Variants in SMYD3 observed in about 807,000 individuals in gnomAD.
The protein encoded by SMYD3 is histone-lysine N-methyltransferase SMYD3.
Under a neutral mutation model 57.7 loss-of-function variants are expected in SMYD3, and 36 were observed. The observed-to-expected ratio is 0.62, with a 90% CI of 0.48 to 0.82. SMYD3 has a LOEUF of 0.82. Among genes scored for constraint, SMYD3 ranks in the 40% least tolerant of loss-of-function variants. The probability of loss-of-function intolerance (pLI) is 0.00; values close to 1 mark genes in which losing one functional copy is unlikely to be tolerated. For missense variants in SMYD3, 515 were observed against 538.8 expected, an observed-to-expected ratio of 0.96 and a Z score of 0.44; for synonymous variants, 211 against 195.0, an observed-to-expected ratio of 1.08 and a Z score of -0.68.
chr1:246,193,993 A>G (rs971987447), intron 5 of SMYD3, among the ~76,000 whole-genome samples: 1 of 152,204 alleles, frequency 6.6e-6, no homozygotes, highest in Non-Finnish European at 1.5e-5. Context: ...CAAATTGGTC[A>G]TTATGTTCTC....
chr1:246,188,907 C>A (rs1268244975), intron 5 of SMYD3: 1 of 151,672 alleles, frequency 6.6e-6, no homozygotes, highest in Non-Finnish European at 1.5e-5. Context: ...CTGCAATGAG[C>A]CAAGATCGCA....
intron 5 of SMYD3, among the ~76,000 whole-genome samples, chr1:246,246,586 G>C (rs75966503): frequency 6.6e-6 from 1 of 151,994 alleles, no homozygotes; most frequent in South Asian, 2.1e-4. Context: ...GAAGCTTGAA[G>C]CTTCAAATTC....
chr1:246,215,391 C>T (rs1415359506), intron 5 of SMYD3, among the ~76,000 whole-genome samples: 1 of 152,030 alleles, frequency 6.6e-6, no homozygotes, highest in Non-Finnish European at 1.5e-5. Flanking sequence ...ACTTTGAGAT[C>T]ATCAAAAAGA....
intron 4 of SMYD3, 101 bp from the exon 5 acceptor site, chr1:246,327,438 T>C: frequency 9.9e-7 from 1 of 1,005,786 alleles, no homozygotes; most frequent in Non-Finnish European, 1.5e-6. Context: ...ATTTCCTACC[T>C]TACATTGGAT....
intron 5 of SMYD3, among the ~76,000 whole-genome samples, chr1:246,222,202 T>C (rs2063266289): frequency 6.6e-6 from 1 of 152,172 alleles, no homozygotes; most frequent in African/African-American, 2.4e-5. Context: ...AAGAACACTT[T>C]GGTAATGTGG....
rs547815871 is a variant in SMYD3, at chr1:245,767,873, G to A, written c.1077-3724C>T. 3.3e-5 allele frequency among the ~76,000 whole-genome samples: 5 copies of A among 152,340 alleles called. No individual in the cohort carries two copies. In the South Asian group the frequency reaches 1.0e-3, roughly 32 times the overall value. On this transcript the variant is annotated intron_variant, in intron 10 of 11. Coordinates refer to ENST00000490107, the MANE Select transcript of SMYD3 (RefSeq NM_001167740.2). ...CCAGCAGTGAGGCACTACCAAAGGG[G>A]GCTGAAGATATTTTATCACAATAGA...
intron 10 of SMYD3, among the ~76,000 whole-genome samples, chr1:245,844,577 C>A (rs972142754): frequency 6.7e-6 from 1 of 150,190 alleles, no homozygotes; most frequent in Non-Finnish European, 1.5e-5. Flanking sequence ...TTTCCTCTTT[C>A]CATTTCTCAC....
chr1:245,894,859 G>C (rs1485888418), intron 8 of SMYD3, among the ~76,000 whole-genome samples: 1 of 152,170 alleles, frequency 6.6e-6, no homozygotes, highest in African/African-American at 2.4e-5. Context: ...GCAAGAACTG[G>C]AAAGGTGAGA....
chr1:246,466,978 G>T (rs149789395), intron 1 of SMYD3, among the ~76,000 whole-genome samples: 1,941 of 152,186 alleles, frequency 0.013, 42 homozygotes, highest in African/African-American at 0.044. Context: ...AATCAGTCTG[G>T]CCATCATGGC....
In SMYD3 at chr1:245,865,028, G is replaced by C. The variant is rs118160938; in HGVS notation, c.814-1142C>G. On this transcript the variant is annotated intron_variant, in intron 8 of 11. Transcript: ENST00000490107. ...CTCTGCTTCCGGTTGGCCAGTGTACGTCTGGCATCTAGCACAGTGCCTGGC... is the reference window on the plus strand; with the variant it reads ...CTCTGCTTCCGGTTGGCCAGTGTACCTCTGGCATCTAGCACAGTGCCTGGC... 5.9e-5 allele frequency among the ~76,000 whole-genome samples: 9 copies of C among 152,294 alleles called. No individual in the cohort carries two copies. In the East Asian group the frequency reaches 1.7e-3, roughly 29 times the overall value.
chr1:246,355,448 A>C lies in SMYD3; in HGVS notation c.165-354T>G, dbSNP rs1572414129. 1 of 209,784 alleles carries C rather than the reference A, an allele frequency of 4.8e-6. No individual in the cohort carries two copies. The highest frequency in any genetic ancestry group is 9.6e-6 in the Non-Finnish European group (1 of 104,114). The allele number at this position is 209,784 out of a possible 1,614,324, so 13.0% of individuals were successfully genotyped here. A position where few individuals can be genotyped will look rare whatever the true frequency, so the allele number is the denominator to read the frequency against. ...CCAGGTAAACTAAGAGAATCCACAG[A>C]CCCTCTGAAGGAACTGTATCGCCAC... is the stretch of plus-strand genomic sequence containing the variant. On this transcript the variant is annotated intron_variant, in intron 1 of 11. Coordinates refer to ENST00000490107, the MANE Select transcript of SMYD3 (RefSeq NM_001167740.2). The surrounding 1 kb of genome is among the most constrained non-coding windows in gnomAD (Gnocchi z 5.0).
chr1:246,452,416 C>T (rs773977616), intron 1 of SMYD3, among the ~76,000 whole-genome samples: 3 of 152,074 alleles, frequency 2.0e-5, no homozygotes, highest in African/African-American at 7.2e-5. Flanking sequence ...GCACGAGAAT[C>T]GTTTGAACTC....
At chr1:246,418,345 C>A (rs2067093775) in intron 1 of SMYD3, among the ~76,000 whole-genome samples, 1 of 152,194 alleles carries the variant, frequency 6.6e-6, no homozygotes, top group South Asian at 2.1e-4. Flanking sequence ...CTTGCTTCTT[C>A]AGCGCCCTGC....
intron 8 of SMYD3, among the ~76,000 whole-genome samples, chr1:245,866,033 C>G (rs1239249612): frequency 6.6e-6 from 1 of 152,178 alleles, no homozygotes; most frequent in East Asian, 1.9e-4. Flanking sequence ...TTTTCATACT[C>G]TAGACATCCC....
At chr1:246,247,046 A>C in intron 5 of SMYD3, among the ~76,000 whole-genome samples, 1 of 152,288 alleles carries the variant, frequency 6.6e-6, no homozygotes. Flanking sequence ...TTTTGTATAT[A>C]ACTCCCTTAT....
At chr1:246,096,042 A>C (rs1418030006) in intron 5 of SMYD3, among the ~76,000 whole-genome samples, 1 of 152,238 alleles carries the variant, frequency 6.6e-6, no homozygotes, top group Non-Finnish European at 1.5e-5. Flanking sequence ...ATTGGAAATT[A>C]CATAAAATAT....
chr1:245,956,084 C>T, intron 5 of SMYD3: 1 of 982,162 alleles, frequency 1.0e-6, no homozygotes, highest in Non-Finnish European at 1.2e-6. Flanking sequence ...ACATTATTTT[C>T]TATTTTTTCA....
At chr1:246,280,258 A>T (rs1411674430) in intron 5 of SMYD3, among the ~76,000 whole-genome samples, 1 of 152,238 alleles carries the variant, frequency 6.6e-6, no homozygotes, top group Non-Finnish European at 1.5e-5. Flanking sequence ...GCTAGGAAAA[A>T]AATAGGCACA....
At chr1:246,435,939 AC>A (rs1169064633) in intron 1 of SMYD3, among the ~76,000 whole-genome samples, 1 of 152,220 alleles carries the variant, frequency 6.6e-6, no homozygotes, top group Non-Finnish European at 1.5e-5. Context: ...GAGGGCAGAC[AC>A]TGACCTTAAT....
Sources: gnomAD v4.1 joint callset for allele counts (sites outside exome capture counted in the v4.1 genomes callset) on GRCh38, gnomAD v4.1.1 for gene constraint, Gnocchi (gnomAD v3.1) non-coding constraint, MANE v1.5 for transcripts, NCBI Gene and HGNC (gene_info 2026-07-23, HGNC 2026-07-21) for gene names.